Variants in IPO9 observed in about 807,000 individuals in gnomAD.
IPO9 encodes importin-9.
Under a neutral mutation model 128.6 loss-of-function variants are expected in IPO9, and 28 were observed. That is an observed-to-expected ratio of 0.22 (90% CI 0.16 to 0.30). IPO9 has a LOEUF of 0.30. Among genes scored for constraint, IPO9 ranks in the 10% least tolerant of loss-of-function variants. The pLI is 1.00. For synonymous variants in IPO9, 455 were observed against 475.8 expected (o/e 0.96, Z 0.57); for missense variants, 935 against 1,293.9 (o/e 0.72, Z 4.26).
At position 201,852,997 on chromosome 1, in the gene IPO9, A is replaced by C. The variant is rs773526749; in HGVS notation, c.604-14A>C. On this transcript the variant is annotated splice_polypyrimidine_tract_variant and intron_variant, in intron 5 of 23. Transcript: ENST00000361565. ...TCTCGTGGCTATGCTGTTATGCTGT[A>C]ACCTTTCTTCCAGGTGTATGGTATT... The C allele has an allele frequency of 1.2e-5, 19 of 1,611,488 alleles. No individual in the cohort carries two copies. The highest frequency in any genetic ancestry group is 1.5e-5 in the Non-Finnish European group (18 of 1,177,522).
chr1:201,855,262 G>A (rs11576508), intron 9 of IPO9, 80 bp downstream of exon 9: 275,075 of 836,900 alleles, frequency 0.33, 47,664 homozygotes, highest in Middle Eastern at 0.39. Flanking sequence ...GCGGGAAACA[G>A]TAACTTGAGA....
At chr1:201,874,443 C>T in intron 21 of IPO9, 71 bp downstream of exon 21, 1 of 1,548,078 alleles carries the variant, frequency 6.5e-7, no homozygotes, top group Non-Finnish European at 8.7e-7. Flanking sequence ...AAATTATCAA[C>T]TTGGTTTGTT....
intron 21 of IPO9, 63 bp from the exon 22 acceptor site, chr1:201,874,769 G>T: frequency 2.6e-6 from 3 of 1,144,842 alleles, no homozygotes; most frequent in Non-Finnish European, 4.0e-6. Flanking sequence ...TGGCCTATTT[G>T]GATTTGGGGA....
intron 1 of IPO9, among the ~76,000 whole-genome samples, chr1:201,837,806 C>T (rs1269901330): frequency 6.6e-6 from 1 of 152,216 alleles, no homozygotes; most frequent in African/African-American, 2.4e-5. Flanking sequence ...CACGGGGGCT[C>T]ATGCCTGTAA....
At position 201,858,562 on chromosome 1, in the gene IPO9, G is replaced by A. The variant is rs1290342186; in HGVS notation, c.1328+9G>A. On this transcript the variant is annotated intron_variant, in intron 12 of 23. Transcript: ENST00000361565. ...AGTGGCACTGAGCACTGGTAAGAGT[G>A]AGCCGCTAATTGGTTAAGATGCTTT... 7 of 1,479,254 alleles carry A rather than the reference G, an allele frequency of 4.7e-6. No homozygotes were observed. Among genetic ancestry groups the A allele is most frequent in the Non-Finnish European group, 5.5e-6 (6 of 1,091,414 alleles). The allele number at this position is 1,479,254 out of a possible 1,614,324, so 91.6% of individuals were successfully genotyped here.
Position 201,858,862 on chromosome 1 carries a change from A to T in IPO9, c.1336A>T (p.Ile446Phe). ...TGTAGTATCCTTTCACAGGTGGAAG[A>T]TCCATGAGGCATGCATGCTTGCCCT... ...KNSGTEHWWK[I>F]HEACMLALGS... Residue 446 changes from isoleucine (I) to phenylalanine (F), a missense_variant, in exon 13 of 24, where the codon ATC (isoleucine) becomes TTC (phenylalanine). Coordinates refer to ENST00000361565, the MANE Select transcript of IPO9 (RefSeq NM_018085.5). 1 of 1,599,478 alleles carries T rather than the reference A, an allele frequency of 6.3e-7. No homozygotes were observed. The highest frequency in any genetic ancestry group is 8.6e-7 in the Non-Finnish European group (1 of 1,167,964).
Position 201,866,720 on chromosome 1 carries a change from T to C in IPO9, c.1629-13T>C. 1 of 1,591,732 alleles carries C rather than the reference T, an allele frequency of 6.3e-7. No individual in the cohort carries two copies. The highest frequency in any genetic ancestry group is 8.6e-7 in the Non-Finnish European group (1 of 1,160,222). ...TTTTTTTTAATAATTCTTGCTTATC[T>C]ATCTCTCTCTAGTTATTGTGACCAA... is the stretch of plus-strand genomic sequence containing the variant. On this transcript the variant is annotated splice_polypyrimidine_tract_variant and intron_variant, in intron 14 of 23. Coordinates refer to ENST00000361565, the MANE Select transcript of IPO9 (RefSeq NM_018085.5).
rs370438854 is a variant in IPO9 at position 201,874,384 on chromosome 1, C to T, written c.2833+12C>T. The T allele has an allele frequency of 2.3e-5, 37 of 1,604,666 alleles. No homozygotes were observed. Among genetic ancestry groups the T allele is most frequent in the Non-Finnish European group, 3.1e-5 (36 of 1,174,874 alleles). The stretch of plus-strand genomic sequence containing the variant: ...AGAGTGGAGTCAAGGTGCACCAGGC[C>T]CTTACTCCCAGGAGACTTTTAGCCT... On this transcript the variant is annotated intron_variant, in intron 21 of 23. Coordinates refer to ENST00000361565, the MANE Select transcript of IPO9 (RefSeq NM_018085.5).
At position 201,879,254 on chromosome 1, in the gene IPO9, A is replaced by C. The variant is rs553638924; in HGVS notation, c.*3200A>C. On this transcript the variant is annotated 3_prime_UTR_variant, in exon 24 of 24. Coordinates refer to ENST00000361565, the MANE Select transcript of IPO9 (RefSeq NM_018085.5). ...AGACATTCATTATGGACTTCAGAGA[A>C]AATGATGCTAAACTGGTCTTAGAAT... 4.6e-5 allele frequency: 7 copies of C among 152,362 alleles called. No homozygotes were observed. In the East Asian group the frequency reaches 5.8e-4, roughly 13 times the overall value. The allele number at this position is 152,362 out of a possible 1,614,324, so 9.4% of individuals were successfully genotyped here.
chr1:201,861,909 C>A (rs1246141864), intron 13 of IPO9, among the ~76,000 whole-genome samples: 1 of 152,032 alleles, frequency 6.6e-6, no homozygotes, highest in Non-Finnish European at 1.5e-5. Context: ...TTAGGTAATG[C>A]AAGGAGGTGA....
At position 201,847,702 on chromosome 1, in the gene IPO9, T is replaced by C. The variant is rs186948099; in HGVS notation, c.312+64T>C. 147 of 1,131,200 alleles carry C rather than the reference T, an allele frequency of 1.3e-4. 1 individual carries two copies. In the African/African-American group the frequency reaches 2.1e-3, roughly 16 times the overall value. The allele number at this position is 1,131,200 out of a possible 1,614,324, so 70.1% of individuals were successfully genotyped here. A position where few individuals can be genotyped will look rare whatever the true frequency, so the allele number is the denominator to read the frequency against. On this transcript the variant is annotated intron_variant, in intron 3 of 23. Coordinates refer to ENST00000361565, the MANE Select transcript of IPO9 (RefSeq NM_018085.5). The stretch of plus-strand genomic sequence containing the variant: ...GAGGGTCCATTTTAAGAGATTAGAC[T>C]ATAACATTCTTTGACAGCATGGAGC...
intron 23 of IPO9, 101 bp downstream of exon 23, chr1:201,875,329 C>A: frequency 9.5e-7 from 1 of 1,051,002 alleles, no homozygotes; most frequent in Non-Finnish European, 1.5e-6. Context: ...GTGGCTCATG[C>A]CTGTAATCCC....
chr1:201,845,334 T>C (rs1680107579), intron 1 of IPO9, among the ~76,000 whole-genome samples: 3 of 152,188 alleles, frequency 2.0e-5, no homozygotes, highest in South Asian at 4.1e-4. Context: ...AATATTCTTA[T>C]TTTGTGGGTG....
chr1:201,872,445 A>T (rs531418457), intron 19 of IPO9, among the ~76,000 whole-genome samples: 1 of 152,156 alleles, frequency 6.6e-6, no homozygotes, highest in East Asian at 1.9e-4. Context: ...CTACCAAAAA[A>T]ATACAAAAAT....
At chr1:201,856,669 T>TTTG (rs145657297) in intron 10 of IPO9, among the ~76,000 whole-genome samples, 5 of 151,788 alleles carry the variant, frequency 3.3e-5, no homozygotes, top group African/African-American at 4.8e-5. Flanking sequence ...TGTTTCAGTT[T>TTTG]TTGTTGTTGT....
At position 201,869,707 on chromosome 1, in the gene IPO9, G is replaced by A; in HGVS notation, c.2122G>A (p.Ala708Thr). The change falls in exon 17 of 24, where the codon GCC becomes ACC. Residue 708 changes from alanine (A) to threonine (T), a missense_variant. Transcript: ENST00000361565. Reference sequence around the variant, plus strand: ...GTGTACCCTTCACACAGATGACAATGCCACCATGCAGGTATCTGAGACATG... The same window carrying A: ...GTGTACCCTTCACACAGATGACAATACCACCATGCAGGTATCTGAGACATG... ...AQCTLHTDDNATMQNGGECLR... is the reference protein window; with the variant it reads ...AQCTLHTDDNTTMQNGGECLR... 6.2e-7 allele frequency: 1 copy of A among 1,614,132 alleles called. No individual in the cohort carries two copies. The highest frequency in any genetic ancestry group is 1.1e-5 in the South Asian group (1 of 91,082).
chr1:201,841,279 A>G (rs2644122), intron 1 of IPO9, among the ~76,000 whole-genome samples: 42,740 of 152,102 alleles, frequency 0.28, 6,247 homozygotes, highest in Non-Finnish European at 0.33. Context: ...TTGTAGTTCA[A>G]TTAATAGGTG....
intron 20 of IPO9, among the ~76,000 whole-genome samples, chr1:201,873,340 G>A (rs1680696272): frequency 1.3e-5 from 2 of 151,392 alleles, no homozygotes; most frequent in African/African-American, 4.9e-5. Flanking sequence ...AGCTACTTGG[G>A]AGGCTGAGGC....
chr1:201,863,165 A>C (rs1219064427), intron 13 of IPO9, among the ~76,000 whole-genome samples: 4 of 152,196 alleles, frequency 2.6e-5, no homozygotes, highest in Non-Finnish European at 5.9e-5. Flanking sequence ...AGCCTGGCCA[A>C]CATGGCAAAA....
Sources: allele counts gnomAD v4.1 joint callset (sites outside exome capture counted in the v4.1 genomes callset), GRCh38; gene constraint gnomAD v4.1.1; transcripts MANE v1.5; gene names NCBI Gene and HGNC (gene_info 2026-07-23, HGNC 2026-07-21).